Variants in PEX14 observed in about 807,000 individuals in gnomAD.
PEX14 encodes the protein peroxisomal biogenesis factor 14.
In PEX14, 15 loss-of-function variants were observed where a neutral mutation model predicts 49.5. The observed-to-expected ratio is 0.30, with a 90% confidence interval of 0.20 to 0.47. The LOEUF (loss-of-function observed/expected upper bound fraction) is 0.47, where lower values mean the gene tolerates loss of function less well. Among genes scored for constraint, PEX14 ranks in the 20% least tolerant of loss-of-function variants. The probability of loss-of-function intolerance (pLI) is 1.00; values close to 1 mark genes in which losing one functional copy is unlikely to be tolerated. For synonymous variants in PEX14, 210 were observed against 212.7 expected, an observed-to-expected ratio of 0.99 and a Z score of 0.11; for missense variants, 398 against 494.8, an observed-to-expected ratio of 0.80 and a Z score of 1.86.
chr1:10,520,122 G>A (rs1020955573), intron 2 of PEX14, among the ~76,000 whole-genome samples: 3 of 147,308 alleles, frequency 2.0e-5, no homozygotes, highest in African/African-American at 7.5e-5. Flanking sequence ...TTACAGGCAT[G>A]AGCTGTTGTG....
chr1:10,624,766 T>C (rs1015961443), intron 7 of PEX14, among the ~76,000 whole-genome samples: 19 of 152,164 alleles, frequency 1.2e-4, no homozygotes, highest in Non-Finnish European at 2.5e-4. Flanking sequence ...TGTGTAGACA[T>C]GGGACGGTCT....
intron 4 of PEX14, among the ~76,000 whole-genome samples, chr1:10,603,463 T>G (rs1641042009): frequency 6.6e-6 from 1 of 151,706 alleles, no homozygotes; most frequent in African/African-American, 2.4e-5. Context: ...GATAGGAGGT[T>G]GGCACCAAGG....
At chr1:10,518,808 A>G (rs1642016760) in intron 2 of PEX14, among the ~76,000 whole-genome samples, 1 of 152,170 alleles carries the variant, frequency 6.6e-6, no homozygotes, top group Non-Finnish European at 1.5e-5. Flanking sequence ...GGCTCTTTAC[A>G]GAAGAGATGC....
chr1:10,483,872 C>G (rs1641324468), intron 1 of PEX14, among the ~76,000 whole-genome samples: 1 of 151,592 alleles, frequency 6.6e-6, no homozygotes. Context: ...CCTAGGAAAT[C>G]TGAACTGTTT....
intron 2 of PEX14, among the ~76,000 whole-genome samples, chr1:10,510,224 G>T (rs1641859037): frequency 6.6e-6 from 1 of 152,224 alleles, no homozygotes; most frequent in South Asian, 2.1e-4. Flanking sequence ...TGCTGCTGGT[G>T]TCTTTCTTAG....
intron 2 of PEX14, among the ~76,000 whole-genome samples, chr1:10,505,855 A>G (rs895142908): frequency 2.6e-5 from 4 of 151,694 alleles, no homozygotes; most frequent in African/African-American, 9.7e-5. Flanking sequence ...TAATCTTTGT[A>G]TTTTTAGTAA....
Position 10,487,481 on chromosome 1 carries a change from C to CTTTTTTTTTTTTTTTTTTTTTTTTTT in PEX14, c.37-7771_37-7770insTTTTTTTTTTTTTTTTTTTTTTTTTT, listed in dbSNP as rs33968565. Among the ~76,000 whole-genome samples the CTTTTTTTTTTTTTTTTTTTTTTTTTT allele has an allele frequency of 4.6e-5, 4 of 86,756 alleles. 1 individual carries two copies. The highest frequency in any genetic ancestry group is 6.4e-5 in the Non-Finnish European group (3 of 47,074). The allele number at this position is 86,756 out of a possible 152,430, so 56.9% of individuals were successfully genotyped here. ...ATACTTTATTACTTTTTCTTTCTTT[C>CTTTTTTTTTTTTTTTTTTTTTTTTTT]TTTTTTTTTTTTTTTTTTTTTTGAG... On this transcript the variant is annotated intron_variant, in intron 1 of 8. Coordinates refer to ENST00000356607, the MANE Select transcript of PEX14 (RefSeq NM_004565.3).
intron 3 of PEX14, among the ~76,000 whole-genome samples, chr1:10,595,176 C>T (rs1640801552): frequency 6.6e-6 from 1 of 152,180 alleles, no homozygotes; most frequent in South Asian, 2.1e-4. Context: ...AAGTCTTCCC[C>T]ACTCTGGGCA....
At chr1:10,527,211 C>CA (rs35749900) in intron 2 of PEX14, among the ~76,000 whole-genome samples, 3,348 of 117,634 alleles carry the variant, frequency 0.028, 194 homozygotes, top group African/African-American at 0.1. Context: ...GACTCTGTCT[C>CA]AAAAAAAAAA....
At chr1:10,488,546 C>A (rs1380923187) in intron 1 of PEX14, among the ~76,000 whole-genome samples, 1 of 151,966 alleles carries the variant, frequency 6.6e-6, no homozygotes, top group Non-Finnish European at 1.5e-5. Context: ...GTCGCCCTGG[C>A]TGGAGTGCAG....
chr1:10,544,009 C>T (rs61777178), intron 3 of PEX14, among the ~76,000 whole-genome samples: 6,702 of 152,176 alleles, frequency 0.044, 326 homozygotes, highest in African/African-American at 0.11. Flanking sequence ...CTGCTGAGTC[C>T]GTCTTCAGGT....
intron 3 of PEX14, among the ~76,000 whole-genome samples, chr1:10,582,308 A>G (rs1640343982): frequency 6.6e-6 from 1 of 152,178 alleles, no homozygotes; most frequent in African/African-American, 2.4e-5. Context: ...TTGAACAATT[A>G]TTTGGTGAAT....
chr1:10,629,739 C>A lies in PEX14; in HGVS notation c.886C>A (p.Gln296Lys). The change falls in exon 9 of 9, where the codon CAG becomes AAG. Residue 296 changes from glutamine (Q) to lysine (K), a missense_variant. By Grantham distance (53) the Gln-to-Lys change is moderately conservative. This residue lies in a region of PEX14 where 140 missense variants were observed against 155.5 expected (regional missense o/e 0.90). Transcript: ENST00000356607. The surrounding 1 kb of genome is among the most constrained non-coding windows in gnomAD (Gnocchi z 8.5). Reference sequence around the variant, plus strand: ...GGTCACCTACCACTTGCTGGGCCCCCAGGAGGAAGGCGAGGGGGTGGTGGA... The same window carrying A: ...GGTCACCTACCACTTGCTGGGCCCCAAGGAGGAAGGCGAGGGGGTGGTGGA... Reference protein sequence around the residue: ...STVTYHLLGPQEEGEGVVDVK... With the variant: ...STVTYHLLGPKEEGEGVVDVK... 6.3e-7 allele frequency: 1 copy of A among 1,595,576 alleles called. No homozygotes were observed. The highest frequency in any genetic ancestry group is 2.3e-5 in the East Asian group (1 of 43,774).
intron 3 of PEX14, among the ~76,000 whole-genome samples, chr1:10,544,558 A>G (rs1639111977): frequency 6.6e-6 from 1 of 152,160 alleles, no homozygotes; most frequent in Non-Finnish European, 1.5e-5. Context: ...TAAACTACAC[A>G]TATTTAATGT....
intron 3 of PEX14, among the ~76,000 whole-genome samples, chr1:10,577,598 T>A (rs1570296203): frequency 5.1e-5 from 2 of 39,024 alleles, no homozygotes; most frequent in Non-Finnish European, 9.0e-5. Flanking sequence ...TTTTTTTTTT[T>A]TTTTTTTTTT....
At chr1:10,503,685 T>G (rs1160213865) in intron 2 of PEX14, among the ~76,000 whole-genome samples, 1 of 151,932 alleles carries the variant, frequency 6.6e-6, no homozygotes, top group Non-Finnish European at 1.5e-5. Context: ...TTGTGTTGGT[T>G]AAGATAACCA....
Position 10,624,513 on chromosome 1 carries a change from G to A in PEX14, c.585+76G>A, listed in dbSNP as rs559258851. On this transcript the variant is annotated intron_variant, in intron 7 of 8. Transcript: ENST00000356607. ...GCCCTTCACTCTTGTCCCTTGGGCCGGGCTTGCCACCTTCGGGAGCTGGAC... is the reference window on the plus strand; with the variant it reads ...GCCCTTCACTCTTGTCCCTTGGGCCAGGCTTGCCACCTTCGGGAGCTGGAC... 2.4e-4 allele frequency: 246 copies of A among 1,018,430 alleles called. No individual in the cohort carries two copies. The African/African-American group carries it at 2.8e-3, about 12-fold the overall frequency. 63.1% of individuals were successfully genotyped at this position (1,018,430 alleles called of 1,614,324 possible).
At chr1:10,588,376 T>C (rs1352773358) in intron 3 of PEX14, among the ~76,000 whole-genome samples, 1 of 152,102 alleles carries the variant, frequency 6.6e-6, no homozygotes. Context: ...GCTTTAGCAA[T>C]AGTTGCCCCT....
At chr1:10,579,050 TTAAAG>T (rs113736844) in intron 3 of PEX14, among the ~76,000 whole-genome samples, 48,412 of 151,666 alleles carry the variant, frequency 0.32, 8,157 homozygotes, top group Non-Finnish European at 0.38. Flanking sequence ...CCAATTTTGA[TTAAAG>T]TAACCCCACA....
Sources: allele counts gnomAD v4.1 joint callset (sites outside exome capture counted in the v4.1 genomes callset), GRCh38; gene constraint gnomAD v4.1.1; regional missense constraint gnomAD v4.1.1; non-coding constraint Gnocchi (gnomAD v3.1); transcripts MANE v1.5; gene names NCBI Gene and HGNC (gene_info 2026-07-23, HGNC 2026-07-21).